Variants in PTPRD observed in about 807,000 individuals in gnomAD.
The protein encoded by PTPRD is receptor-type tyrosine-protein phosphatase delta.
PTPRD carries 34 observed loss-of-function variants against 214.5 expected under a neutral mutation model. The observed-to-expected ratio is 0.16, with a 90% CI of 0.12 to 0.21. The LOEUF (loss-of-function observed/expected upper bound fraction) is 0.21. Ranked by LOEUF, PTPRD falls within the 10% of genes least tolerant of loss-of-function variation. PTPRD has a pLI of 1.00. For missense variants in PTPRD, 2,545 were observed against 2,398.7 expected (o/e 1.06, Z -1.27); for synonymous variants, 1,128 against 845.7 (o/e 1.33, Z -5.79).
chr9:8,911,010 G>C (rs571500134), intron 11 of PTPRD, among the ~76,000 whole-genome samples: 19 of 152,246 alleles, frequency 1.2e-4, no homozygotes, highest in African/African-American at 4.3e-4. Context: ...TATTAAAATG[G>C]TCATTCTCGT....
At chr9:9,407,605 T>C (rs1221972128) in intron 8 of PTPRD, among the ~76,000 whole-genome samples, 1 of 151,762 alleles carries the variant, frequency 6.6e-6, no homozygotes, top group Non-Finnish European at 1.5e-5. Context: ...TGATTTAGAA[T>C]ATAGAGTCAA....
chr9:9,874,842 T>A (rs1199300491), intron 5 of PTPRD, among the ~76,000 whole-genome samples: 1 of 152,108 alleles, frequency 6.6e-6, no homozygotes, highest in African/African-American at 2.4e-5. Context: ...CCAGGGAATT[T>A]GAGATTAGTG....
intron 9 of PTPRD, among the ~76,000 whole-genome samples, chr9:9,294,214 G>GA (rs1952207195): frequency 6.6e-6 from 1 of 151,600 alleles, no homozygotes; most frequent in South Asian, 2.1e-4. Context: ...TTTATTTCTG[G>GA]AATTTTCCAC....
intron 9 of PTPRD, among the ~76,000 whole-genome samples, chr9:9,314,861 C>T (rs1595652377): frequency 6.6e-6 from 1 of 152,032 alleles, no homozygotes; most frequent in East Asian, 1.9e-4. Context: ...ATACCATAGG[C>T]ACAAAGGACC....
intron 9 of PTPRD, among the ~76,000 whole-genome samples, chr9:9,224,589 A>T (rs1220004362): frequency 6.6e-6 from 1 of 151,984 alleles, no homozygotes; most frequent in East Asian, 1.9e-4. Context: ...AGTCATTATT[A>T]ATGATTAAGG....
At chr9:8,817,503 T>C (rs539385109) in intron 11 of PTPRD, among the ~76,000 whole-genome samples, 1 of 152,268 alleles carries the variant, frequency 6.6e-6, no homozygotes, top group Admixed American at 6.5e-5. Flanking sequence ...AGTGTGCACC[T>C]GTAGTGCCAG....
intron 2 of PTPRD, among the ~76,000 whole-genome samples, chr9:10,490,381 G>C (rs2039798244): frequency 6.6e-6 from 1 of 152,026 alleles, no homozygotes; most frequent in Non-Finnish European, 1.5e-5. Flanking sequence ...GGATGTAAAA[G>C]ACAGTGTTCA....
At chr9:9,412,720 G>A (rs1032764319) in intron 8 of PTPRD, among the ~76,000 whole-genome samples, 54 of 151,940 alleles carry the variant, frequency 3.6e-4, no homozygotes, top group African/African-American at 1.3e-3. Flanking sequence ...AGTACCTTAT[G>A]GAATTCTCTG....
chr9:9,639,919 G>T (rs2095881401), intron 7 of PTPRD, among the ~76,000 whole-genome samples: 1 of 152,196 alleles, frequency 6.6e-6, no homozygotes. Flanking sequence ...TATAGGAAAA[G>T]AAAATACAGG....
chr9:8,396,496 G>C (rs567333894), intron 36 of PTPRD, among the ~76,000 whole-genome samples: 1 of 151,284 alleles, frequency 6.6e-6, no homozygotes, highest in Non-Finnish European at 1.5e-5. Flanking sequence ...ATTAGAGTAA[G>C]CTGCATAGAT....
At position 9,492,795 on chromosome 9, in the gene PTPRD, C is replaced by T. The variant is rs116789979; in HGVS notation, c.-237+81937G>A. On this transcript the variant is annotated intron_variant, in intron 8 of 45. Coordinates refer to ENST00000381196, the MANE Select transcript of PTPRD (RefSeq NM_002839.4). Reference sequence around the variant, plus strand: ...TCTATAAATGCCATTTTTCCAAAAGCACGTGCTCACTTTTTGTTTCTGCAT... The same window carrying T: ...TCTATAAATGCCATTTTTCCAAAAGTACGTGCTCACTTTTTGTTTCTGCAT... Among the ~76,000 whole-genome samples the T allele has an allele frequency of 1.2e-3, 180 of 151,094 alleles. 1 individual carries two copies. Among genetic ancestry groups the T allele is most frequent in the African/African-American group, 4.1e-3 (170 of 41,088 alleles).
At chr9:9,199,010 A>T (rs1032566983) in intron 9 of PTPRD, among the ~76,000 whole-genome samples, 1 of 152,128 alleles carries the variant, frequency 6.6e-6, no homozygotes, top group Admixed American at 6.6e-5. Flanking sequence ...TTTATGATTA[A>T]ATATTTATAT....
chr9:9,237,495 C>T (rs1287017794), intron 9 of PTPRD, among the ~76,000 whole-genome samples: 2 of 152,132 alleles, frequency 1.3e-5, no homozygotes, highest in East Asian at 3.9e-4. Context: ...AAAAAACCGA[C>T]ATGTGCCCTG....
rs2092993856 is a variant in PTPRD at position 10,253,688 on chromosome 9, G to C, written c.-545+87275C>G. On this transcript the variant is annotated intron_variant, in intron 3 of 45. Coordinates refer to ENST00000381196, the MANE Select transcript of PTPRD (RefSeq NM_002839.4). ...TCTCAGAGTGGCATTTGCTTGGGTA[G>C]TATCAGCCCATTCTATAAAGAGAAG... Among the ~76,000 whole-genome samples the C allele has an allele frequency of 2.0e-5, 3 of 152,132 alleles. No individual in the cohort carries two copies. In the South Asian group the frequency reaches 6.2e-4, roughly 31 times the overall value.
intron 11 of PTPRD, among the ~76,000 whole-genome samples, chr9:8,923,156 C>T (rs2098839697): frequency 6.6e-6 from 1 of 151,714 alleles, no homozygotes; most frequent in South Asian, 2.1e-4. Flanking sequence ...AGTCTCCTGC[C>T]TCAGCCTCCT....
At chr9:9,616,069 A>G (rs2094840440) in intron 7 of PTPRD, among the ~76,000 whole-genome samples, 1 of 152,226 alleles carries the variant, frequency 6.6e-6, no homozygotes, top group Admixed American at 6.5e-5. Flanking sequence ...TATATAGGAC[A>G]TGGTCTTTAC....
intron 14 of PTPRD, among the ~76,000 whole-genome samples, chr9:8,586,884 A>C (rs1458680292): frequency 6.6e-6 from 1 of 152,258 alleles, no homozygotes; most frequent in Non-Finnish European, 1.5e-5. Context: ...GCCGTGGCTC[A>C]GGCCTGTAAT....
At chr9:9,846,205 C>A (rs1010162209) in intron 5 of PTPRD, among the ~76,000 whole-genome samples, 3 of 152,086 alleles carry the variant, frequency 2.0e-5, no homozygotes, top group African/African-American at 7.2e-5. Context: ...ACCCAAATCA[C>A]CCCTAGATTG....
intron 5 of PTPRD, among the ~76,000 whole-genome samples, chr9:9,832,308 C>T (rs1185849094): frequency 6.6e-6 from 1 of 151,898 alleles, no homozygotes; most frequent in Non-Finnish European, 1.5e-5. Context: ...GCAACACAGC[C>T]TGCTAAGAAA....
Sources: allele counts gnomAD v4.1 joint callset (sites outside exome capture counted in the v4.1 genomes callset), GRCh38; gene constraint gnomAD v4.1.1; transcripts MANE v1.5; gene names NCBI Gene and HGNC (gene_info 2026-07-23, HGNC 2026-07-21).